The following HUNK variants were observed in gnomAD, a reference collection of about 807,000 sequenced individuals.
The protein encoded by HUNK is hormonally up-regulated neu tumor-associated kinase.
Under a neutral mutation model 61.0 loss-of-function variants are expected in HUNK, and 21 were observed. That is an observed-to-expected ratio of 0.34 (90% confidence interval 0.24 to 0.50). The LOEUF (loss-of-function observed/expected upper bound fraction) is 0.50. Among genes scored for constraint, HUNK ranks in the 20% least tolerant of loss-of-function variants. The probability of loss-of-function intolerance (pLI) is 0.98; values close to 1 mark genes in which losing one functional copy is unlikely to be tolerated. For missense variants in HUNK, 772 were observed against 945.7 expected (o/e 0.82, Z 2.41); for synonymous variants, 371 against 386.1 (o/e 0.96, Z 0.46).
intron 1 of HUNK, among the ~76,000 whole-genome samples, chr21:31,911,635 A>C (rs2052546444): frequency 6.6e-6 from 1 of 151,840 alleles, no homozygotes; most frequent in Non-Finnish European, 1.5e-5. Flanking sequence ...GTCCCTCTAG[A>C]TTCGCTGCTC....
At chr21:31,912,306 T>A (rs2052551868) in intron 1 of HUNK, among the ~76,000 whole-genome samples, 1 of 151,930 alleles carries the variant, frequency 6.6e-6, no homozygotes, top group African/African-American at 2.4e-5. Flanking sequence ...GTTCTGAAAG[T>A]GTTCTAGGAA....
At chr21:31,895,768 T>C (rs187321213) in intron 1 of HUNK, among the ~76,000 whole-genome samples, 1 of 152,302 alleles carries the variant, frequency 6.6e-6, no homozygotes, top group East Asian at 1.9e-4. Context: ...GCTCTTGTCA[T>C]CCTGATCACC....
intron 1 of HUNK, among the ~76,000 whole-genome samples, chr21:31,898,879 C>T (rs1258132884): frequency 1.3e-5 from 2 of 152,110 alleles, no homozygotes; most frequent in African/African-American, 4.8e-5. Context: ...ACAAAGCATC[C>T]GATCAATATG....
chr21:31,966,970 T>A (rs924862801), intron 5 of HUNK, among the ~76,000 whole-genome samples: 4 of 152,194 alleles, frequency 2.6e-5, no homozygotes, highest in Non-Finnish European at 4.4e-5. Context: ...ACAGACCGTC[T>A]GCATTTTGAA....
intron 1 of HUNK, among the ~76,000 whole-genome samples, chr21:31,914,019 AG>A (rs1410594147): frequency 2.0e-5 from 3 of 152,266 alleles, no homozygotes; most frequent in Admixed American, 6.5e-5. Context: ...TCTCAGAGCC[AG>A]GGTTTGCAGC....
At chr21:31,990,003 G>T in intron 8 of HUNK, 126 bp from the exon 9 acceptor site, 2 of 823,658 alleles carry the variant, frequency 2.4e-6, no homozygotes, top group Non-Finnish European at 4.2e-6. Flanking sequence ...TTCAGGATTT[G>T]CTTTCTGTCT....
At chr21:31,957,149 T>C (rs2052894882) in intron 4 of HUNK, among the ~76,000 whole-genome samples, 1 of 152,208 alleles carries the variant, frequency 6.6e-6, no homozygotes, top group Admixed American at 6.5e-5. Flanking sequence ...CTTATTCCTT[T>C]TGCACTCATC....
chr21:31,918,983 AGGAGGGGC>A (rs2052604195), intron 1 of HUNK, among the ~76,000 whole-genome samples: 1 of 142,866 alleles, frequency 7.0e-6, no homozygotes, highest in Non-Finnish European at 1.5e-5. Flanking sequence ...CGGTATGAGG[AGGAGGGGC>A]TGGACTGAGC....
rs1357657480 is a variant in HUNK, at chr21:32,003,579, T to A, written c.*4395T>A. On this transcript the variant is annotated 3_prime_UTR_variant, in exon 11 of 11. Transcript: ENST00000270112. ...CAGTAAGAATAATTCAGAGCGGTAC[T>A]GGGAGTTGGTTCAATTTCATGTCAT... The A allele has an allele frequency of 6.6e-6, 1 of 152,210 alleles. No homozygotes were observed. The highest frequency in any genetic ancestry group is 1.5e-5 in the Non-Finnish European group (1 of 68,036). The allele number at this position is 152,210 out of a possible 1,614,324, so 9.4% of individuals were successfully genotyped here. A position where few individuals can be genotyped will look rare whatever the true frequency, so the allele number is the denominator to read the frequency against.
rs939087159 is a variant in HUNK, at chr21:31,960,829, A to G, written c.874+1859A>G. ...AATTCAAGGTGAGATTTGGGTTGGGACACAGCCAAACCATATCACCCAGTT... is the reference window on the plus strand; with the variant it reads ...AATTCAAGGTGAGATTTGGGTTGGGGCACAGCCAAACCATATCACCCAGTT... On this transcript the variant is annotated intron_variant, in intron 5 of 10. Coordinates refer to ENST00000270112, the MANE Select transcript of HUNK (RefSeq NM_014586.2). 2.0e-5 allele frequency among the ~76,000 whole-genome samples: 3 copies of G among 152,178 alleles called. No homozygotes were observed. In the South Asian group the frequency reaches 6.2e-4, roughly 32 times the overall value.
At chr21:31,930,411 C>T (rs766993807) in intron 2 of HUNK, among the ~76,000 whole-genome samples, 22 of 152,202 alleles carry the variant, frequency 1.4e-4, no homozygotes, top group Non-Finnish European at 2.9e-4. Context: ...CACAGTTCTC[C>T]GTGCTGAGGG....
intron 1 of HUNK, among the ~76,000 whole-genome samples, chr21:31,895,364 G>A (rs771184175): frequency 2.2e-4 from 33 of 152,152 alleles, no homozygotes; most frequent in Admixed American, 6.5e-4. Context: ...CTGCAAATTC[G>A]AAGAGAAAAA....
chr21:31,943,129 T>C (rs2052780134), intron 3 of HUNK, among the ~76,000 whole-genome samples: 2 of 152,218 alleles, frequency 1.3e-5, no homozygotes, highest in African/African-American at 4.8e-5. Flanking sequence ...TATGATTGCC[T>C]CTTAATAGTT....
At chr21:31,991,277 G>A (rs1029798713) in intron 9 of HUNK, among the ~76,000 whole-genome samples, 1 of 151,982 alleles carries the variant, frequency 6.6e-6, no homozygotes, top group Non-Finnish European at 1.5e-5. Flanking sequence ...GAGTGCAGTG[G>A]GTGTGATCTT....
At chr21:31,910,351 CTCTT>C (rs1364345711) in intron 1 of HUNK, among the ~76,000 whole-genome samples, 1 of 152,172 alleles carries the variant, frequency 6.6e-6, no homozygotes, top group Non-Finnish European at 1.5e-5. Context: ...TGGTGTCTCT[CTCTT>C]CGTATCAAGA....
rs560235425 is a variant in HUNK, at chr21:31,906,199, C to T, written c.262-18269C>T. Among the ~76,000 whole-genome samples, 20 of 152,200 alleles carry T rather than the reference C, an allele frequency of 1.3e-4. No individual in the cohort carries two copies. The South Asian group carries it at 3.9e-3, about 30-fold the overall frequency. ...TGTGCAAGCACTTTCCATTATTTAC[C>T]TTGGCCACCATTATTATCCCCGGCT... On this transcript the variant is annotated intron_variant, in intron 1 of 10. Coordinates refer to ENST00000270112, the MANE Select transcript of HUNK (RefSeq NM_014586.2).
chr21:31,999,132 C>G lies in HUNK; in HGVS notation c.2093C>G (p.Ala698Gly). 1 of 1,613,686 alleles carries G rather than the reference C, an allele frequency of 6.2e-7. No homozygotes were observed. The highest frequency in any genetic ancestry group is 8.5e-7 in the Non-Finnish European group (1 of 1,179,780). ...AGCCTGCCCCCACTGCAGCCCCTAG[C>G]CCCTGTGAACCTTGCCTTTGACATG... ...EASLPPLQPL[A>G]PVNLAFDMAD... is the part of the protein sequence containing the mutation. The change falls in exon 11 of 11, where the codon GCC (alanine) becomes GGC (glycine). Residue 698 changes from alanine to glycine, a missense_variant. Ala to Gly is a moderately conservative substitution (Grantham distance 60, BLOSUM62 0). Around this residue, in one of 2 missense-constraint regions of HUNK, gnomAD observed 413 missense variants for 444.4 expected, o/e 0.93. Transcript: ENST00000270112.
intron 3 of HUNK, among the ~76,000 whole-genome samples, chr21:31,943,857 A>T (rs2052784773): frequency 1.3e-5 from 2 of 152,210 alleles, no homozygotes; most frequent in Non-Finnish European, 2.9e-5. Context: ...GATTAGGAAC[A>T]GAGTCTTTTG....
intron 1 of HUNK, among the ~76,000 whole-genome samples, chr21:31,912,844 A>G (rs1490348680): frequency 1.3e-5 from 2 of 152,128 alleles, no homozygotes; most frequent in African/African-American, 4.8e-5. Flanking sequence ...GATCGCACAC[A>G]AGCTGAAACG....
Sources: gnomAD v4.1 joint callset for allele counts (sites outside exome capture counted in the v4.1 genomes callset) on GRCh38, gnomAD v4.1.1 for gene constraint, gnomAD v4.1.1 regional missense constraint, MANE v1.5 for transcripts, NCBI Gene and HGNC (gene_info 2026-07-23, HGNC 2026-07-21) for gene names.